Variants in PCP4 observed in about 807,000 individuals in gnomAD.
The protein encoded by PCP4 is calmodulin regulator protein PCP4.
In PCP4, 8 loss-of-function variants were observed where a neutral mutation model predicts 10.0. That is an observed-to-expected ratio of 0.80 (90% CI 0.47 to 1.45). The LOEUF is 1.45. Among genes scored for constraint, PCP4 ranks in the 40% most tolerant of loss-of-function variants. The probability of loss-of-function intolerance (pLI) is 0.00; values close to 1 mark genes in which losing one functional copy is unlikely to be tolerated. For synonymous variants in PCP4, 21 were observed against 23.0 expected (o/e 0.91, Z 0.24); for missense variants, 54 against 74.4 (o/e 0.73, Z 1.01).
chr21:39,908,484 G>A (rs2087523718), intron 2 of PCP4, among the ~76,000 whole-genome samples: 1 of 152,198 alleles, frequency 6.6e-6, no homozygotes, highest in South Asian at 2.1e-4. Flanking sequence ...GGAAGGGACT[G>A]GGCAGGCACG....
At chr21:39,900,142 C>G (rs2087476035) in intron 2 of PCP4, among the ~76,000 whole-genome samples, 1 of 152,142 alleles carries the variant, frequency 6.6e-6, no homozygotes, top group African/African-American at 2.4e-5. Flanking sequence ...TCAAGTGATT[C>G]TCCTGCCTCA....
intron 1 of PCP4, among the ~76,000 whole-genome samples, chr21:39,891,729 G>A (rs1363282981): frequency 2.6e-5 from 4 of 152,238 alleles, no homozygotes; most frequent in African/African-American, 9.6e-5. Flanking sequence ...GGTGAAGCAA[G>A]TCACGTGATT....
intron 2 of PCP4, among the ~76,000 whole-genome samples, chr21:39,900,971 A>G (rs1778286004): frequency 1.3e-5 from 2 of 152,218 alleles, no homozygotes; most frequent in South Asian, 4.1e-4. Context: ...TGTGAATGTA[A>G]GTAACATTTT....
At chr21:39,925,625 CT>C (rs1352891984) in intron 2 of PCP4, among the ~76,000 whole-genome samples, 1 of 152,152 alleles carries the variant, frequency 6.6e-6, no homozygotes. Flanking sequence ...TGGCGTGCCC[CT>C]AGGGGACATA....
At chr21:39,919,694 G>A (rs1288440034) in intron 2 of PCP4, among the ~76,000 whole-genome samples, 1 of 151,552 alleles carries the variant, frequency 6.6e-6, no homozygotes, top group African/African-American at 2.4e-5. Context: ...ATGTGTGTAT[G>A]TCTATGGTGT....
At chr21:39,919,093 AG>A (rs2087582560) in intron 2 of PCP4, among the ~76,000 whole-genome samples, 2 of 152,176 alleles carry the variant, frequency 1.3e-5, no homozygotes, top group Non-Finnish European at 2.9e-5. Context: ...AAAGGATAAA[AG>A]CAAGGTGCAA....
intron 1 of PCP4, among the ~76,000 whole-genome samples, chr21:39,882,863 A>T (rs574859198): frequency 3.3e-5 from 5 of 152,180 alleles, no homozygotes; most frequent in Non-Finnish European, 7.3e-5. Flanking sequence ...ACTTCTAGGG[A>T]TGGGGAGAGA....
chr21:39,877,153 C>T (rs1348911522), intron 1 of PCP4, among the ~76,000 whole-genome samples: 1 of 152,090 alleles, frequency 6.6e-6, no homozygotes, highest in Non-Finnish European at 1.5e-5. Context: ...TAAACCTGTC[C>T]AAATTCCACT....
chr21:39,896,562 A>G (rs767430451), intron 1 of PCP4, among the ~76,000 whole-genome samples: 1 of 152,248 alleles, frequency 6.6e-6, no homozygotes, highest in African/African-American at 2.4e-5. Context: ...ATCATTTTAC[A>G]TTGACTCAGA....
intron 2 of PCP4, among the ~76,000 whole-genome samples, chr21:39,901,576 A>G (rs62236562): frequency 0.14 from 21,091 of 152,266 alleles, 1,661 homozygotes; most frequent in Middle Eastern, 0.23. Context: ...GCTGAAAACC[A>G]GTCCACACCA....
At chr21:39,913,026 T>G (rs931243768) in intron 2 of PCP4, among the ~76,000 whole-genome samples, 4 of 152,200 alleles carry the variant, frequency 2.6e-5, no homozygotes, top group Non-Finnish European at 4.4e-5. Context: ...TCTTAGTTAA[T>G]CTTTTTGAGT....
At chr21:39,909,065 A>AG (rs1375838365) in intron 2 of PCP4, among the ~76,000 whole-genome samples, 1 of 152,060 alleles carries the variant, frequency 6.6e-6, no homozygotes, top group East Asian at 1.9e-4. Flanking sequence ...AAATGAAATC[A>AG]GGGCCCCTTT....
intron 2 of PCP4, among the ~76,000 whole-genome samples, chr21:39,923,078 G>A (rs1399674659): frequency 6.6e-6 from 1 of 152,248 alleles, no homozygotes; most frequent in Non-Finnish European, 1.5e-5. Flanking sequence ...TCTATGCAGA[G>A]TGGGAAAAGG....
intron 1 of PCP4, among the ~76,000 whole-genome samples, chr21:39,878,580 A>G (rs1424331099): frequency 1.3e-5 from 2 of 152,226 alleles, no homozygotes; most frequent in East Asian, 3.8e-4. Context: ...TGTATATTGG[A>G]AAGAGATTAC....
At chr21:39,874,879 C>T (rs2146325135) in intron 1 of PCP4, among the ~76,000 whole-genome samples, 1 of 152,258 alleles carries the variant, frequency 6.6e-6, no homozygotes, top group East Asian at 1.9e-4. Context: ...CCGATAATAC[C>T]TGAAAGTGCT....
intron 2 of PCP4, among the ~76,000 whole-genome samples, chr21:39,904,638 T>C (rs190830703): frequency 6.6e-6 from 1 of 152,342 alleles, no homozygotes; most frequent in Admixed American, 6.5e-5. Flanking sequence ...TGCCCCTGCC[T>C]GCAGCAGTGA....
intron 1 of PCP4, among the ~76,000 whole-genome samples, chr21:39,873,045 C>T (rs762146333): frequency 1.2e-4 from 18 of 152,128 alleles, no homozygotes; most frequent in South Asian, 2.1e-4. Flanking sequence ...GAGCAAGGGA[C>T]GTAGAATTCT....
At chr21:39,876,623 A>G (rs935800647) in intron 1 of PCP4, among the ~76,000 whole-genome samples, 2 of 152,114 alleles carry the variant, frequency 1.3e-5, no homozygotes, top group African/African-American at 4.8e-5. Flanking sequence ...TGGGACTCCT[A>G]CTCTTTCCTA....
At chr21:39,910,790 G>A (rs994910022) in intron 2 of PCP4, among the ~76,000 whole-genome samples, 3 of 152,174 alleles carry the variant, frequency 2.0e-5, no homozygotes, top group Non-Finnish European at 2.9e-5. Flanking sequence ...CCATTTCCCC[G>A]GTTGCAGGGC....
Sources: gnomAD v4.1 joint callset for allele counts (sites outside exome capture counted in the v4.1 genomes callset) on GRCh38, gnomAD v4.1.1 for gene constraint, MANE v1.5 for transcripts, NCBI Gene and HGNC (gene_info 2026-07-23, HGNC 2026-07-21) for gene names.